PUM1: variants seen among roughly 807,000 people sequenced by gnomAD.
PUM1 encodes the protein pumilio homolog 1.
Under a neutral mutation model 131.8 loss-of-function variants are expected in PUM1, and 13 were observed. The ratio of observed to expected loss-of-function variants is 0.10; its 90% CI spans 0.06 to 0.16. PUM1 has a LOEUF of 0.16. Ranked by LOEUF, PUM1 falls within the 10% of genes least tolerant of loss-of-function variation. PUM1 has a pLI of 1.00. For synonymous variants in PUM1, 509 were observed against 556.5 expected, an observed-to-expected ratio of 0.91 and a Z score of 1.20; for missense variants, 961 against 1,512.4, an observed-to-expected ratio of 0.64 and a Z score of 6.05.
In PUM1 at chr1:30,951,056, T is replaced by C. The variant is rs147682646; in HGVS notation, c.2722-795A>G. ...AAATTCTACTTAGAATGATTTTCCA[T>C]CCTTGGCTTATTATTTTCATTTCAA... On this transcript the variant is annotated intron_variant, in intron 16 of 21. Transcript: ENST00000426105. 3.4e-3 allele frequency among the ~76,000 whole-genome samples: 515 copies of C among 152,350 alleles called. 6 individuals are homozygous for C. Among genetic ancestry groups the C allele is most frequent in the Middle Eastern group, 0.014 (4 of 294 alleles).
At chr1:31,039,330 C>T (rs965697953) in intron 2 of PUM1, among the ~76,000 whole-genome samples, 3 of 151,608 alleles carry the variant, frequency 2.0e-5, no homozygotes, top group African/African-American at 7.3e-5. Flanking sequence ...TCGTGCCATT[C>T]TCCTGCCTCA....
At chr1:30,940,062 A>G (rs1296536459) in intron 20 of PUM1, among the ~76,000 whole-genome samples, 1 of 152,188 alleles carries the variant, frequency 6.6e-6, no homozygotes, top group Non-Finnish European at 1.5e-5. Context: ...AAACAAAACA[A>G]TATAAAGTCG....
chr1:30,995,238 T>G lies in PUM1; in HGVS notation c.721-18A>C, dbSNP rs1171638561. 1.2e-6 allele frequency: 2 copies of G among 1,613,582 alleles called. No homozygotes were observed. The highest frequency in any genetic ancestry group is 4.5e-5 in the East Asian group (2 of 44,874). ...CTTGGGCCCTGTTTAAAAAATAGCT[T>G]CAGCTTCACTAATCGTCATCAACTA... On this transcript the variant is annotated intron_variant, in intron 5 of 21. Transcript: ENST00000426105.
At chr1:31,056,593 ACCTT>A (rs1644243199) in intron 2 of PUM1, among the ~76,000 whole-genome samples, 1 of 134,640 alleles carries the variant, frequency 7.4e-6, no homozygotes, top group African/African-American at 2.7e-5. Context: ...ACAGCTGAAA[ACCTT>A]CCTTTTCTTT....
chr1:30,950,855 T>C (rs943330254), intron 16 of PUM1, among the ~76,000 whole-genome samples: 1 of 152,178 alleles, frequency 6.6e-6, no homozygotes, highest in East Asian at 1.9e-4. Context: ...AGCAAGACTG[T>C]GTGTCAAAAA....
At chr1:30,964,980 T>C in intron 13 of PUM1, 70 bp from the exon 14 acceptor site, 1 of 1,314,990 alleles carries the variant, frequency 7.6e-7, no homozygotes, top group South Asian at 1.3e-5. Flanking sequence ...AGTGACCTGT[T>C]CCTAACACTT....
At chr1:30,945,197 G>A (rs1639622277) in intron 18 of PUM1, 149 bp downstream of exon 18, 2 of 848,738 alleles carry the variant, frequency 2.4e-6, no homozygotes, top group Non-Finnish European at 3.6e-6. Flanking sequence ...TGGTGCCACT[G>A]CACTCCAGCC....
At chr1:30,963,321 T>C (rs1640493239) in intron 14 of PUM1, among the ~76,000 whole-genome samples, 2 of 152,298 alleles carry the variant, frequency 1.3e-5, no homozygotes, top group African/African-American at 4.8e-5. Flanking sequence ...GGAAACACTG[T>C]TGTGCAATGT....
chr1:30,961,300 C>T (rs1045904260), intron 14 of PUM1, among the ~76,000 whole-genome samples: 1 of 149,616 alleles, frequency 6.7e-6, no homozygotes, highest in African/African-American at 2.5e-5. Flanking sequence ...ACTGGAGGCC[C>T]GGAGTTCGAG....
At chr1:31,033,659 C>T (rs899078921) in intron 2 of PUM1, among the ~76,000 whole-genome samples, 5 of 151,984 alleles carry the variant, frequency 3.3e-5, no homozygotes, top group Non-Finnish European at 7.4e-5. Context: ...AGCCACCACG[C>T]CCAGCCCATT....
chr1:31,051,775 G>A (rs895257733), intron 2 of PUM1, among the ~76,000 whole-genome samples: 2 of 152,080 alleles, frequency 1.3e-5, no homozygotes, highest in African/African-American at 4.8e-5. Flanking sequence ...TTCTACCTCT[G>A]TCCCTCATAA....
intron 7 of PUM1, among the ~76,000 whole-genome samples, chr1:30,989,054 G>A (rs948194913): frequency 6.6e-6 from 1 of 152,062 alleles, no homozygotes; most frequent in Non-Finnish European, 1.5e-5. Flanking sequence ...TAATAATTAA[G>A]TAATTCCTGC....
At chr1:30,981,026 C>T (rs1052833916) in intron 8 of PUM1, among the ~76,000 whole-genome samples, 1 of 152,186 alleles carries the variant, frequency 6.6e-6, no homozygotes, top group Non-Finnish European at 1.5e-5. Context: ...ACCGAAAGAG[C>T]TAATGGTAGT....
chr1:31,048,695 C>G (rs2124584217), intron 2 of PUM1, among the ~76,000 whole-genome samples: 1 of 151,806 alleles, frequency 6.6e-6, no homozygotes, highest in South Asian at 2.1e-4. Flanking sequence ...AGGACAGTCT[C>G]AATCTCCTGA....
chr1:31,044,822 T>C (rs1643914009), intron 2 of PUM1, among the ~76,000 whole-genome samples: 1 of 152,142 alleles, frequency 6.6e-6, no homozygotes, highest in Non-Finnish European at 1.5e-5. Context: ...GTTGTTGTTG[T>C]TGTTTGAGAC....
At chr1:30,996,119 T>C (rs1338978090) in intron 5 of PUM1, among the ~76,000 whole-genome samples, 1 of 152,170 alleles carries the variant, frequency 6.6e-6, no homozygotes, top group Non-Finnish European at 1.5e-5. Flanking sequence ...TGACTTGACA[T>C]AGTACAGAGA....
At chr1:30,972,287 G>A (rs1420341174) in intron 10 of PUM1, among the ~76,000 whole-genome samples, 12 of 36 alleles carry the variant, frequency 0.33, no homozygotes, top group Non-Finnish European at 0.38. Flanking sequence ...GGAAGGGAAG[G>A]GGAGGGGAGG....
intron 2 of PUM1, among the ~76,000 whole-genome samples, chr1:31,048,416 T>C (rs926142718): frequency 6.6e-6 from 1 of 151,804 alleles, no homozygotes; most frequent in African/African-American, 2.4e-5. Context: ...TTTCCTCTTT[T>C]CTTTAGCCAC....
chr1:31,027,203 G>A (rs1357433123), intron 3 of PUM1, among the ~76,000 whole-genome samples: 7 of 152,034 alleles, frequency 4.6e-5, no homozygotes, highest in Non-Finnish European at 7.4e-5. Flanking sequence ...CAACACTTTG[G>A]GAGGCCAAGG....
Sources: gnomAD v4.1 joint callset for allele counts (sites outside exome capture counted in the v4.1 genomes callset) on GRCh38, gnomAD v4.1.1 for gene constraint, MANE v1.5 for transcripts, NCBI Gene and HGNC (gene_info 2026-07-23, HGNC 2026-07-21) for gene names.